SKAP2: variants seen among roughly 807,000 people sequenced by gnomAD.
SKAP2 encodes src kinase associated phosphoprotein 2.
A neutral mutation model predicts 54.9 loss-of-function variants in SKAP2; 28 were observed. That is an observed-to-expected ratio of 0.51 (90% confidence interval 0.38 to 0.70). SKAP2 has a LOEUF of 0.70. Among genes scored for constraint, SKAP2 ranks in the 30% least tolerant of loss-of-function variants. The probability of loss-of-function intolerance (pLI) is 0.00; values close to 1 mark genes in which losing one functional copy is unlikely to be tolerated. For synonymous variants in SKAP2, 137 were observed against 134.3 expected (o/e 1.02, Z -0.14); for missense variants, 356 against 424.1 (o/e 0.84, Z 1.41).
chr7:26,810,323 G>C (rs1784115813), intron 4 of SKAP2, among the ~76,000 whole-genome samples: 1 of 150,584 alleles, frequency 6.6e-6, no homozygotes, highest in Admixed American at 6.6e-5. Flanking sequence ...GAAAAAAAAG[G>C]AAAGAAAAAG....
At chr7:26,781,336 C>A (rs1259187919) in intron 4 of SKAP2, among the ~76,000 whole-genome samples, 2 of 151,798 alleles carry the variant, frequency 1.3e-5, no homozygotes, top group African/African-American at 2.4e-5. Context: ...AAAATGAAGT[C>A]TTTCTGGAAA....
At chr7:26,852,935 T>G (rs1785077457) in intron 3 of SKAP2, among the ~76,000 whole-genome samples, 1 of 152,210 alleles carries the variant, frequency 6.6e-6, no homozygotes, top group Non-Finnish European at 1.5e-5. Flanking sequence ...ATAAATTCAT[T>G]TATACATTCG....
At chr7:26,851,900 C>G (rs1785052218) in intron 3 of SKAP2, among the ~76,000 whole-genome samples, 1 of 152,090 alleles carries the variant, frequency 6.6e-6, no homozygotes, top group South Asian at 2.1e-4. Flanking sequence ...TCTGAATTAA[C>G]TCTTTTTATT....
chr7:26,738,456 T>C (rs1266819498), intron 6 of SKAP2, among the ~76,000 whole-genome samples: 5 of 152,208 alleles, frequency 3.3e-5, no homozygotes, highest in Admixed American at 3.3e-4. Flanking sequence ...TTTTCTGCCA[T>C]TGAAACTCTC....
intron 9 of SKAP2, among the ~76,000 whole-genome samples, chr7:26,699,505 A>G (rs1786977592): frequency 6.6e-6 from 1 of 152,166 alleles, no homozygotes; most frequent in African/African-American, 2.4e-5. Context: ...TCATTAATAA[A>G]TCAACATTCT....
At chr7:26,756,432 G>GT (rs1254588492) in intron 4 of SKAP2, among the ~76,000 whole-genome samples, 4 of 152,048 alleles carry the variant, frequency 2.6e-5, no homozygotes, top group Non-Finnish European at 5.9e-5. Context: ...GTGGTGTTTG[G>GT]TTTTTTGTCC....
At chr7:26,676,504 C>T (rs924485632) in intron 11 of SKAP2, among the ~76,000 whole-genome samples, 5 of 152,048 alleles carry the variant, frequency 3.3e-5, no homozygotes, top group Non-Finnish European at 5.9e-5. Flanking sequence ...TTCTTTTTCC[C>T]TTATTATGTT....
intron 4 of SKAP2, among the ~76,000 whole-genome samples, chr7:26,768,422 G>A (rs1285395759): frequency 1.3e-5 from 2 of 151,998 alleles, no homozygotes; most frequent in Non-Finnish European, 2.9e-5. Flanking sequence ...CAATTTGCAG[G>A]TCTGTGTCTT....
chr7:26,832,644 T>C (rs1338115715), intron 4 of SKAP2, among the ~76,000 whole-genome samples: 1 of 151,622 alleles, frequency 6.6e-6, no homozygotes, highest in Non-Finnish European at 1.5e-5. Flanking sequence ...CAAGACCCCA[T>C]CTCTAAAAAA....
intron 4 of SKAP2, among the ~76,000 whole-genome samples, chr7:26,826,962 C>T (rs2127991599): frequency 6.6e-6 from 1 of 152,104 alleles, no homozygotes; most frequent in South Asian, 2.1e-4. Flanking sequence ...AAAAGAAATC[C>T]TATTTTAAGC....
chr7:26,789,733 T>C (rs933752168), intron 4 of SKAP2, among the ~76,000 whole-genome samples: 2 of 152,226 alleles, frequency 1.3e-5, no homozygotes, highest in African/African-American at 4.8e-5. Flanking sequence ...TAATTGTGTT[T>C]AATGCCGCAC....
At chr7:26,860,161 G>A (rs213524) in intron 1 of SKAP2, among the ~76,000 whole-genome samples, 34,479 of 151,986 alleles carry the variant, frequency 0.23, 4,140 homozygotes, top group Middle Eastern at 0.28. Context: ...TTTGGATTGG[G>A]TAGCTATAAA....
At chr7:26,717,661 A>C (rs1039819028) in intron 9 of SKAP2, among the ~76,000 whole-genome samples, 2 of 150,014 alleles carry the variant, frequency 1.3e-5, no homozygotes. Flanking sequence ...CCCTGTCTCT[A>C]CTAAAAAAAA....
chr7:26,862,915 G>T (rs1785298734), intron 1 of SKAP2, among the ~76,000 whole-genome samples: 1 of 151,986 alleles, frequency 6.6e-6, no homozygotes, highest in Non-Finnish European at 1.5e-5. Context: ...TTCTGCGCTG[G>T]TTATTACAAT....
At chr7:26,678,564 C>G (rs1417621392) in intron 11 of SKAP2, among the ~76,000 whole-genome samples, 1 of 151,756 alleles carries the variant, frequency 6.6e-6, no homozygotes, top group Non-Finnish European at 1.5e-5. Flanking sequence ...CCTCAGCTTC[C>G]CAAGTAGCTG....
Position 26,747,132 on chromosome 7 carries a change from A to G in SKAP2, c.308-7168T>C, listed in dbSNP as rs375350294. Reference sequence around the variant, plus strand: ...CTGCCGTAACTCTAAAAGAGGACTAATTGTGTTACTTTAGCATAGTCTTTT... The same window carrying G: ...CTGCCGTAACTCTAAAAGAGGACTAGTTGTGTTACTTTAGCATAGTCTTTT... On this transcript the variant is annotated intron_variant, in intron 4 of 12. Coordinates refer to ENST00000345317, the MANE Select transcript of SKAP2 (RefSeq NM_003930.5). 8.7e-4 allele frequency among the ~76,000 whole-genome samples: 129 copies of G among 149,120 alleles called. 1 individual carries two copies. The highest frequency in any genetic ancestry group is 3.2e-3 in the African/African-American group (122 of 38,528).
intron 4 of SKAP2, among the ~76,000 whole-genome samples, chr7:26,766,798 T>C (rs1783066846): frequency 6.6e-6 from 1 of 152,220 alleles, no homozygotes; most frequent in East Asian, 1.9e-4. Context: ...CAAACCAGCC[T>C]TGCATCCCAG....
chr7:26,788,022 A>C (rs1783594926), intron 4 of SKAP2, among the ~76,000 whole-genome samples: 1 of 152,134 alleles, frequency 6.6e-6, no homozygotes, highest in Non-Finnish European at 1.5e-5. Context: ...GCAGGGGCAA[A>C]TATTCAAATC....
intron 4 of SKAP2, among the ~76,000 whole-genome samples, chr7:26,807,139 T>C (rs688039): frequency 0.52 from 79,378 of 152,098 alleles, 21,364 homozygotes; most frequent in East Asian, 0.86. Context: ...TGGAATCTAC[T>C]ACCAGTAAAG....
Sources: allele counts gnomAD v4.1 joint callset (sites outside exome capture counted in the v4.1 genomes callset), GRCh38; gene constraint gnomAD v4.1.1; transcripts MANE v1.5; gene names NCBI Gene and HGNC (gene_info 2026-07-23, HGNC 2026-07-21).